DBX1: variants seen among roughly 807,000 people sequenced by gnomAD.
The protein encoded by DBX1 is developing brain homeobox 1.
DBX1 carries 10 observed loss-of-function variants against 20.8 expected under a neutral mutation model. The ratio of observed to expected loss-of-function variants is 0.48; its 90% CI spans 0.30 to 0.82. The LOEUF (loss-of-function observed/expected upper bound fraction) is 0.82, where lower values mean the gene tolerates loss of function less well. Ranked by LOEUF, DBX1 falls within the 40% of genes least tolerant of loss-of-function variation. The pLI is 0.07. For synonymous variants in DBX1, 241 were observed against 213.9 expected (o/e 1.13, Z -1.11); for missense variants, 505 against 468.8 (o/e 1.08, Z -0.71).
At chr11:20,157,300 C>T (rs896883380) in intron 2 of DBX1, 61 bp from the exon 3 acceptor site, 7 of 1,457,240 alleles carry the variant, frequency 4.8e-6, no homozygotes, top group Non-Finnish European at 6.5e-6. Context: ...CAACACGGCT[C>T]TCCCTGGCTT....
At chr11:20,159,358 C>T in intron 1 of DBX1, 66 bp from the exon 2 acceptor site, 1 of 1,077,794 alleles carries the variant, frequency 9.3e-7, no homozygotes, top group Admixed American at 1.7e-5. Flanking sequence ...TACGTACTTG[C>T]CTATTGTATA....
In DBX1 at chr11:20,159,210, G is replaced by T; in HGVS notation, c.450C>A (p.Ile150=). ...ACCTACCTGGGAAATAAGAAGATCT[G>T]ATGAAAGGCTGAAAAGACCCTTCGA... The part of the protein sequence containing the change: ...PYFEGSFQPF[I]RSSYFPASSS... Residue 150 remains isoleucine (I), a synonymous_variant, in exon 2 of 4, where the codon ATC becomes ATA. Coordinates refer to ENST00000524983, the MANE Select transcript of DBX1 (RefSeq NM_001029865.4). 1 of 1,613,086 alleles carries T rather than the reference G, an allele frequency of 6.2e-7. No homozygotes were observed. The highest frequency in any genetic ancestry group is 8.5e-7 in the Non-Finnish European group (1 of 1,179,258).
intron 3 of DBX1, 30 bp downstream of exon 3, chr11:20,157,007 G>T: frequency 3.4e-6 from 5 of 1,460,784 alleles, no homozygotes; most frequent in East Asian, 2.6e-5. Flanking sequence ...GGCGGGGGCG[G>T]GGGGGGTGCT....
Position 20,156,347 on chromosome 11 carries a change from A to G in DBX1, c.899T>C (p.Leu300Pro). The change falls in exon 4 of 4, where the codon CTG becomes CCG. Residue 300 changes from leucine to proline, a missense_variant. Coordinates refer to ENST00000524983, the MANE Select transcript of DBX1 (RefSeq NM_001029865.4). The surrounding 1 kb of genome is among the most constrained non-coding windows in gnomAD (Gnocchi z 4.8). The part of the protein sequence containing the change: ...AYHASSDPQH[L>P]RDPRLPGPLP... ...CGGCCCTGGCAGCCGCGGGTCCCGCAGGTGCTGGGGGTCGGAGGACGCGTG... is the reference window on the plus strand; with the variant it reads ...CGGCCCTGGCAGCCGCGGGTCCCGCGGGTGCTGGGGGTCGGAGGACGCGTG... 6.3e-7 allele frequency: 1 copy of G among 1,596,044 alleles called. No individual in the cohort carries two copies. Among genetic ancestry groups the G allele is most frequent in the South Asian group, 1.1e-5 (1 of 89,180 alleles).
intron 2 of DBX1, among the ~76,000 whole-genome samples, chr11:20,157,726 A>G (rs1197653928): frequency 1.3e-5 from 2 of 152,200 alleles, no homozygotes; most frequent in East Asian, 1.9e-4. Context: ...GAAAAATCCA[A>G]TAAGTATTCA....
chr11:20,156,979 C>T lies in DBX1; in HGVS notation c.672+58G>A. The T allele has an allele frequency of 2.7e-6, 4 of 1,460,884 alleles. No homozygotes were observed. Among genetic ancestry groups the T allele is most frequent in the Non-Finnish European group, 2.8e-6 (3 of 1,087,346 alleles). The allele number at this position is 1,460,884 out of a possible 1,614,324, so 90.5% of individuals were successfully genotyped here. On this transcript the variant is annotated intron_variant, in intron 3 of 3. Transcript: ENST00000524983. The surrounding 1 kb of genome is among the most constrained non-coding windows in gnomAD (Gnocchi z 4.8). The stretch of plus-strand genomic sequence containing the variant: ...TCCGAACCCTTGCAATTGACGGGTG[C>T]GCCGGGGAGGGGTGAAGGGCGGGGG...
intron 2 of DBX1, 89 bp downstream of exon 2, chr11:20,159,102 G>C: frequency 1.1e-6 from 1 of 921,274 alleles, no homozygotes; most frequent in Admixed American, 1.8e-5. Flanking sequence ...CCGAGGGGTG[G>C]ACGGAGAAAT....
At chr11:20,158,965 A>G (rs2063674323) in intron 2 of DBX1, among the ~76,000 whole-genome samples, 1 of 152,150 alleles carries the variant, frequency 6.6e-6, no homozygotes. Flanking sequence ...AATTCCTGCT[A>G]ATTTGTAGAG....
intron 3 of DBX1, 32 bp downstream of exon 3, chr11:20,157,005 C>CGGGGGGGGGGG: frequency 1.9e-6 from 3 of 1,543,396 alleles, no homozygotes; most frequent in Non-Finnish European, 2.6e-6. Flanking sequence ...AGGGCGGGGG[C>CGGGGGGGGGGG]GGGGGGGGTG....
At chr11:20,158,296 G>A (rs1181487729) in intron 2 of DBX1, among the ~76,000 whole-genome samples, 2 of 151,900 alleles carry the variant, frequency 1.3e-5, no homozygotes, top group Non-Finnish European at 2.9e-5. Context: ...TCAATTGCTT[G>A]TTTCTTTTGC....
Position 20,157,055 on chromosome 11 carries a change from C to T in DBX1, c.654G>A (p.Leu218=). ...KPDRKKLAAK[L]GLKDSQVKIW... is the part of the protein sequence containing the mutation. ...CGCTCACCTGCGAGTCTTTCAGGCC[C>T]AGCTTGGCCGCCAGCTTCTTGCGGT... is the stretch of plus-strand genomic sequence containing the variant. The change falls in exon 3 of 4, where the codon CTG becomes CTA. Residue 218 remains leucine (L), a synonymous_variant. Coordinates refer to ENST00000524983, the MANE Select transcript of DBX1 (RefSeq NM_001029865.4). 3 of 1,613,982 alleles carry T rather than the reference C, an allele frequency of 1.9e-6. No homozygotes were observed. The highest frequency in any genetic ancestry group is 2.5e-6 in the Non-Finnish European group (3 of 1,180,008).
chr11:20,156,798 G>T lies in DBX1; in HGVS notation c.673-225C>A. On this transcript the variant is annotated intron_variant, in intron 3 of 3. Coordinates refer to ENST00000524983, the MANE Select transcript of DBX1 (RefSeq NM_001029865.4). The surrounding 1 kb of genome is among the most constrained non-coding windows in gnomAD (Gnocchi z 4.8). ...ATCCGCTGCCACCCTGCCCCGAAGG[G>T]CGGGGTTGGGGGCCGGTGAGGCCGG... The T allele has an allele frequency of 1.2e-6, 1 of 822,890 alleles. No individual in the cohort carries two copies. Among genetic ancestry groups the T allele is most frequent in the Non-Finnish European group, 1.9e-6 (1 of 514,030 alleles). 51.0% of individuals were successfully genotyped at this position (822,890 alleles called of 1,614,324 possible).
Position 20,160,102 on chromosome 11 carries a change from T to G in DBX1, c.223A>C (p.Thr75Pro), listed in dbSNP as rs1201763815. ...PPRQGAPTAL[T>P]DTGASDLGSP... ...CCCAGGTCCGAGGCCCCCGTGTCGG[T>G]GAGGGCCGTGGGGGCCCCCTGCCTG... is the stretch of plus-strand genomic sequence containing the variant. The change falls in exon 1 of 4, where the codon ACC becomes CCC. Residue 75 changes from threonine (T) to proline (P), a missense_variant. Transcript: ENST00000524983. The G allele has an allele frequency of 1.2e-5, 19 of 1,554,396 alleles. No homozygotes were observed. Among genetic ancestry groups the G allele is most frequent in the Non-Finnish European group, 1.7e-5 (19 of 1,148,762 alleles).
chr11:20,157,284 C>G (rs1037215206), intron 2 of DBX1, 45 bp from the exon 3 acceptor site: 2 of 1,496,690 alleles, frequency 1.3e-6, no homozygotes, highest in Non-Finnish European at 9.0e-7. Context: ...GTACGCCCCC[C>G]AGTCCCAACA....
rs2063661543 is a variant in DBX1, at chr11:20,156,951, G to A, written c.672+86C>T. On this transcript the variant is annotated intron_variant, in intron 3 of 3. Coordinates refer to ENST00000524983, the MANE Select transcript of DBX1 (RefSeq NM_001029865.4). The surrounding 1 kb of genome is among the most constrained non-coding windows in gnomAD (Gnocchi z 4.8). Reference sequence around the variant, plus strand: ...CCATCTGTACAGTGGGACCTAAGCCGTTTCCGAACCCTTGCAATTGACGGG... The same window carrying A: ...CCATCTGTACAGTGGGACCTAAGCCATTTCCGAACCCTTGCAATTGACGGG... 7.0e-6 allele frequency: 10 copies of A among 1,432,710 alleles called. No individual in the cohort carries two copies. The East Asian group carries it at 9.3e-5, about 13-fold the overall frequency. The allele number at this position is 1,432,710 out of a possible 1,614,324, so 88.7% of individuals were successfully genotyped here.
At chr11:20,158,443 T>A (rs897844676) in intron 2 of DBX1, among the ~76,000 whole-genome samples, 1 of 152,174 alleles carries the variant, frequency 6.6e-6, no homozygotes, top group African/African-American at 2.4e-5. Context: ...GTTTGAATCA[T>A]CAGTGAGGTT....
In DBX1 at chr11:20,159,333, CAG is replaced by C. The variant is rs751532766; in HGVS notation, c.368-43_368-42del. The C allele has an allele frequency of 3.6e-5, 48 of 1,337,800 alleles. No individual in the cohort carries two copies. In the African/African-American group the frequency reaches 6.1e-4, roughly 17 times the overall value. 82.9% of individuals were successfully genotyped at this position (1,337,800 alleles called of 1,614,324 possible). A position where few individuals can be genotyped will look rare whatever the true frequency, so the allele number is the denominator to read the frequency against. On this transcript the variant is annotated intron_variant, in intron 1 of 3. Coordinates refer to ENST00000524983, the MANE Select transcript of DBX1 (RefSeq NM_001029865.4). ...GGGGGGACAGAAGGAGAGAGGGAGACAGAAAGAATCTGATTACGTACTTGCCT... is the reference window on the plus strand; with the variant it reads ...GGGGGGACAGAAGGAGAGAGGGAGACAAAGAATCTGATTACGTACTTGCCT...
chr11:20,159,926 G>C, intron 1 of DBX1, 32 bp downstream of exon 1: 1 of 1,613,796 alleles, frequency 6.2e-7, no homozygotes, highest in Non-Finnish European at 8.5e-7. Flanking sequence ...CCTAGTACCT[G>C]AATGGGCCCT....
rs59489930 is a variant in DBX1, at chr11:20,158,561, T to C, written c.469+630A>G. 2.8e-3 allele frequency among the ~76,000 whole-genome samples: 419 copies of C among 152,208 alleles called. 4 individuals are homozygous for C. The highest frequency in any genetic ancestry group is 9.6e-3 in the African/African-American group (398 of 41,512). On this transcript the variant is annotated intron_variant, in intron 2 of 3. Coordinates refer to ENST00000524983, the MANE Select transcript of DBX1 (RefSeq NM_001029865.4). ...TCTTATTTTGCAAGATCAACGGTATTTTATAATACAGGGTGGGAAAGGAGT... is the reference window on the plus strand; with the variant it reads ...TCTTATTTTGCAAGATCAACGGTATCTTATAATACAGGGTGGGAAAGGAGT...
Sources: gnomAD v4.1 joint callset for allele counts (sites outside exome capture counted in the v4.1 genomes callset) on GRCh38, gnomAD v4.1.1 for gene constraint, Gnocchi (gnomAD v3.1) non-coding constraint, MANE v1.5 for transcripts, NCBI Gene and HGNC (gene_info 2026-07-23, HGNC 2026-07-21) for gene names.